Variants in ZC3HAV1 observed in about 807,000 individuals in gnomAD.
ZC3HAV1 encodes zinc finger CCCH-type containing, antiviral 1.
A neutral mutation model predicts 86.6 loss-of-function variants in ZC3HAV1; 41 were observed. That is an observed-to-expected ratio of 0.47 (90% CI 0.37 to 0.61). The LOEUF (loss-of-function observed/expected upper bound fraction) is 0.61, where lower values mean the gene tolerates loss of function less well. Ranked by LOEUF, ZC3HAV1 falls within the 20% of genes least tolerant of loss-of-function variation. ZC3HAV1 has a pLI of 0.00. For synonymous variants in ZC3HAV1, 421 were observed against 432.1 expected (o/e 0.97, Z 0.32); for missense variants, 964 against 1,141.1 (o/e 0.84, Z 2.24).
At position 139,109,481 on chromosome 7, in the gene ZC3HAV1, T is replaced by C; in HGVS notation, c.-150A>G. 4.1e-6 allele frequency: 4 copies of C among 983,176 alleles called. No individual in the cohort carries two copies. Among genetic ancestry groups the C allele is most frequent in the Non-Finnish European group, 5.8e-6 (4 of 692,794 alleles). The allele number at this position is 983,176 out of a possible 1,614,324, so 60.9% of individuals were successfully genotyped here. A position where few individuals can be genotyped will look rare whatever the true frequency, so the allele number is the denominator to read the frequency against. The stretch of plus-strand genomic sequence containing the variant: ...GCGAGGGCGCGCTCTCCGTCGCCGT[T>C]AGCCCAGCCCAGCGATCCACTCTCG... On this transcript the variant is annotated 5_prime_UTR_variant, in exon 1 of 13. Transcript: ENST00000242351.
chr7:139,068,479 CAG>C (rs1284593274), intron 7 of ZC3HAV1, among the ~76,000 whole-genome samples: 1 of 152,168 alleles, frequency 6.6e-6, no homozygotes, highest in Non-Finnish European at 1.5e-5. Context: ...GTCAATATGC[CAG>C]AGTGGCATAT....
intron 11 of ZC3HAV1, 48 bp from the exon 12 acceptor site, chr7:139,053,629 T>G (rs565918017): frequency 6.6e-7 from 1 of 1,519,924 alleles, no homozygotes; most frequent in East Asian, 2.3e-5. Flanking sequence ...CCCTTCCCAC[T>G]CCAGTTGATA....
At chr7:139,103,696 C>T (rs1331223625) in intron 1 of ZC3HAV1, among the ~76,000 whole-genome samples, 2 of 152,106 alleles carry the variant, frequency 1.3e-5, no homozygotes, top group African/African-American at 2.4e-5. Context: ...CTTGGCAGCA[C>T]GATTTGGTAT....
intron 2 of ZC3HAV1, among the ~76,000 whole-genome samples, chr7:139,088,218 G>A (rs1817330856): frequency 6.6e-6 from 1 of 151,976 alleles, no homozygotes; most frequent in African/African-American, 2.4e-5. Context: ...AGTATTCTCT[G>A]ATCCTTAAGT....
At chr7:139,065,103 T>C (rs1288699079) in intron 7 of ZC3HAV1, 104 bp from the exon 8 acceptor site, 2 of 1,490,544 alleles carry the variant, frequency 1.3e-6, no homozygotes, top group South Asian at 1.3e-5. Flanking sequence ...GGAGTGCATT[T>C]TGCTTCCCAA....
chr7:139,046,263 T>C lies in ZC3HAV1; in HGVS notation c.*1331A>G, dbSNP rs1815952705. ...AGGGCCTCTTTGGGATATTGTTCTT[T>C]GTTCTGATTCTGTGCTCACCAGGAA... On this transcript the variant is annotated 3_prime_UTR_variant, in exon 13 of 13. Coordinates refer to ENST00000242351, the MANE Select transcript of ZC3HAV1 (RefSeq NM_020119.4). 1 of 152,182 alleles carries C rather than the reference T, an allele frequency of 6.6e-6. No homozygotes were observed. Among genetic ancestry groups the C allele is most frequent in the African/African-American group, 2.4e-5 (1 of 41,434 alleles). 9.4% of individuals were successfully genotyped at this position (152,182 alleles called of 1,614,324 possible). A position where few individuals can be genotyped will look rare whatever the true frequency, so the allele number is the denominator to read the frequency against.
Position 139,108,911 on chromosome 7 carries a change from G to T in ZC3HAV1, c.308+113C>A. ...GAGAAGGGAGTGGCTGGAGGCGGAG[G>T]CTGTCAGGTGCGGGGTCCCGGCGAA... On this transcript the variant is annotated intron_variant, in intron 1 of 12. Coordinates refer to ENST00000242351, the MANE Select transcript of ZC3HAV1 (RefSeq NM_020119.4). The surrounding 1 kb of genome is among the most constrained non-coding windows in gnomAD (Gnocchi z 4.2). 1 of 1,327,744 alleles carries T rather than the reference G, an allele frequency of 7.5e-7. No homozygotes were observed. The highest frequency in any genetic ancestry group is 1.0e-6 in the Non-Finnish European group (1 of 990,306). The allele number at this position is 1,327,744 out of a possible 1,614,324, so 82.2% of individuals were successfully genotyped here.
chr7:139,060,754 T>A, intron 9 of ZC3HAV1: 5 of 1,247,948 alleles, frequency 4.0e-6, no homozygotes, highest in East Asian at 4.6e-5. Context: ...ACTGCATCAA[T>A]CCAGCTCTTC....
rs976069155 is a variant in ZC3HAV1, at chr7:139,060,426, C to T, written c.2096+610G>A. On this transcript the variant is annotated intron_variant, in intron 9 of 12. Coordinates refer to ENST00000242351, the MANE Select transcript of ZC3HAV1 (RefSeq NM_020119.4). ...AGCAACATTTCCTTTAAAATCCCTT[C>T]AATCAATATTATCTCTCACCAAAAC... is the stretch of plus-strand genomic sequence containing the variant. 6 of 987,540 alleles carry T rather than the reference C, an allele frequency of 6.1e-6. No individual in the cohort carries two copies. The African/African-American group carries it at 1.0e-4, about 17-fold the overall frequency. The allele number at this position is 987,540 out of a possible 1,614,324, so 61.2% of individuals were successfully genotyped here.
chr7:139,107,976 A>G (rs534616911), intron 1 of ZC3HAV1, among the ~76,000 whole-genome samples: 2 of 152,230 alleles, frequency 1.3e-5, no homozygotes, highest in Non-Finnish European at 2.9e-5. Flanking sequence ...ATGGGAAGGC[A>G]GAATCCGCCA....
At chr7:139,073,442 G>GT (rs1816839812) in intron 7 of ZC3HAV1, among the ~76,000 whole-genome samples, 3 of 151,958 alleles carry the variant, frequency 2.0e-5, no homozygotes, top group South Asian at 4.2e-4. Context: ...CACTCCACGG[G>GT]TAACCATGTA....
chr7:139,052,386 C>T (rs1024196717), intron 12 of ZC3HAV1, among the ~76,000 whole-genome samples: 1 of 143,434 alleles, frequency 7.0e-6, no homozygotes. Flanking sequence ...CAGGCAGATC[C>T]CCTGAGGTCA....
chr7:139,092,901 CCTGGCAAATT>C (rs1046061561), intron 1 of ZC3HAV1, among the ~76,000 whole-genome samples: 3 of 152,208 alleles, frequency 2.0e-5, no homozygotes, highest in Admixed American at 6.5e-5. Context: ...CAGCCCCTTC[CCTGGCAAATT>C]CTGCTTCGTT....
chr7:139,049,614 GC>G (rs1816065913), intron 12 of ZC3HAV1: 1 of 152,504 alleles, frequency 6.6e-6, no homozygotes, highest in East Asian at 1.9e-4. Context: ...CCAACCATGA[GC>G]TCTGGAAGTC....
At chr7:139,054,639 C>A (rs1816227941) in intron 10 of ZC3HAV1, among the ~76,000 whole-genome samples, 2 of 152,138 alleles carry the variant, frequency 1.3e-5, no homozygotes, top group Admixed American at 6.5e-5. Flanking sequence ...ATGGCTGTTG[C>A]GAGGATCTGC....
intron 1 of ZC3HAV1, among the ~76,000 whole-genome samples, chr7:139,095,720 TTA>T (rs1445027935): frequency 6.8e-4 from 103 of 152,308 alleles, no homozygotes; most frequent in Middle Eastern, 6.8e-3. Flanking sequence ...CATCTTTCTG[TTA>T]TTATGGACAG....
At chr7:139,062,523 T>C (rs2041969372) in intron 8 of ZC3HAV1, among the ~76,000 whole-genome samples, 1 of 152,228 alleles carries the variant, frequency 6.6e-6, no homozygotes, top group South Asian at 2.1e-4. Flanking sequence ...TGTTTCATTT[T>C]CTCCACCGTT....
At chr7:139,092,567 G>A (rs1189951112) in intron 1 of ZC3HAV1, among the ~76,000 whole-genome samples, 2 of 152,226 alleles carry the variant, frequency 1.3e-5, no homozygotes, top group Admixed American at 1.3e-4. Flanking sequence ...TGTCCTAGCT[G>A]AGGAGTGTGG....
At chr7:139,060,446 CA>C in intron 9 of ZC3HAV1, 1 of 989,752 alleles carries the variant, frequency 1.0e-6, no homozygotes, top group Non-Finnish European at 1.2e-6. Context: ...TATCTCTCAC[CA>C]AAACCCTTGC....
Sources: allele counts gnomAD v4.1 joint callset (sites outside exome capture counted in the v4.1 genomes callset), GRCh38; gene constraint gnomAD v4.1.1; non-coding constraint Gnocchi (gnomAD v3.1); transcripts MANE v1.5; gene names NCBI Gene and HGNC (gene_info 2026-07-23, HGNC 2026-07-21).